The following PCDH9 variants were observed in gnomAD, a reference collection of about 807,000 sequenced individuals.
PCDH9 encodes protocadherin-9.
A neutral mutation model predicts 70.6 loss-of-function variants in PCDH9; 24 were observed. The ratio of observed to expected loss-of-function variants is 0.34; its 90% CI spans 0.25 to 0.48. PCDH9 has a LOEUF of 0.48. Among genes scored for constraint, PCDH9 ranks in the 20% least tolerant of loss-of-function variants. The pLI, the probability that PCDH9 is intolerant of heterozygous loss-of-function variation, is 0.99. For missense variants in PCDH9, 1,281 were observed against 1,503.6 expected (o/e 0.85, Z 2.45); for synonymous variants, 562 against 558.5 (o/e 1.01, Z -0.09).
chr13:67,126,195 G>A (rs1005783809), intron 2 of PCDH9, among the ~76,000 whole-genome samples: 2 of 152,090 alleles, frequency 1.3e-5, no homozygotes, highest in African/African-American at 2.4e-5. Context: ...CTATGCTGAA[G>A]CTATTTCATT....
rs554295163 is a variant in PCDH9, at chr13:67,071,397, A to G, written c.3036+154008T>C. ...GCAAAATTTAAAAATTTGTAAACTG[A>G]TAATTTCTACCTTTGCCAAAACCTT... On this transcript the variant is annotated intron_variant, in intron 2 of 4. Transcript: ENST00000377865. Among the ~76,000 whole-genome samples the G allele has an allele frequency of 5.9e-5, 9 of 152,326 alleles. No individual in the cohort carries two copies. In the South Asian group the frequency reaches 1.9e-3, roughly 32 times the overall value.
intron 3 of PCDH9, among the ~76,000 whole-genome samples, chr13:66,805,896 C>CT (rs1406772155): frequency 6.6e-6 from 1 of 152,016 alleles, no homozygotes; most frequent in Non-Finnish European, 1.5e-5. Context: ...TGTTTTATGA[C>CT]TTTTTTTCCC....
chr13:66,965,506 C>T (rs2083415954), intron 2 of PCDH9, among the ~76,000 whole-genome samples: 1 of 152,154 alleles, frequency 6.6e-6, no homozygotes, highest in Admixed American at 6.6e-5. Flanking sequence ...CAAGCTATTG[C>T]AGCCTCCTTT....
intron 3 of PCDH9, among the ~76,000 whole-genome samples, chr13:66,732,774 T>A (rs2079094884): frequency 6.6e-6 from 1 of 151,978 alleles, no homozygotes. Context: ...GAAAAATACA[T>A]GAAAAATTAG....
At chr13:67,150,969 T>G (rs2087644104) in intron 2 of PCDH9, among the ~76,000 whole-genome samples, 1 of 152,214 alleles carries the variant, frequency 6.6e-6, no homozygotes, top group Admixed American at 6.6e-5. Context: ...CACCATCCAC[T>G]GCCTAAGTAA....
At chr13:66,683,578 C>G (rs1400468481) in intron 3 of PCDH9, among the ~76,000 whole-genome samples, 2 of 152,178 alleles carry the variant, frequency 1.3e-5, no homozygotes, top group African/African-American at 4.8e-5. Flanking sequence ...AAGTGCTTCA[C>G]TACATTTATA....
Position 66,777,111 on chromosome 13 carries a change from C to T in PCDH9, c.3138+126393G>A, listed in dbSNP as rs980853150. On this transcript the variant is annotated intron_variant, in intron 3 of 4. Transcript: ENST00000377865. The stretch of plus-strand genomic sequence containing the variant: ...GCTGAAACTGGATCCCTTCCTTACA[C>T]CTTATACAAAAATTAATTCAAGATG... Among the ~76,000 whole-genome samples, 734 of 150,892 alleles carry T rather than the reference C, an allele frequency of 4.9e-3. 8 individuals are homozygous for T. Among genetic ancestry groups the T allele is most frequent in the African/African-American group, 0.017 (700 of 41,348 alleles).
chr13:66,840,724 G>A lies in PCDH9; in HGVS notation c.3138+62780C>T, dbSNP rs1481330237. ...GCAGTTTTTCCATATGCTACATTGA[G>A]TATTTCTGTTGTACATCTGTTGCAT... On this transcript the variant is annotated intron_variant, in intron 3 of 4. Coordinates refer to ENST00000377865, the MANE Select transcript of PCDH9 (RefSeq NM_203487.3). 3.3e-5 allele frequency among the ~76,000 whole-genome samples: 5 copies of A among 152,298 alleles called. No individual in the cohort carries two copies. The East Asian group carries it at 9.7e-4, about 29-fold the overall frequency.
chr13:66,436,206 G>T (rs1463983936), intron 4 of PCDH9, among the ~76,000 whole-genome samples: 1 of 152,094 alleles, frequency 6.6e-6, no homozygotes, highest in African/African-American at 2.4e-5. Context: ...ACATCTGGGA[G>T]GTGATAAAGT....
At chr13:66,679,415 G>T (rs73497774) in intron 3 of PCDH9, among the ~76,000 whole-genome samples, 1 of 151,754 alleles carries the variant, frequency 6.6e-6, no homozygotes. Flanking sequence ...TTGTAATAGT[G>T]CACACACCCA....
chr13:67,036,494 T>C (rs1289495852), intron 2 of PCDH9, among the ~76,000 whole-genome samples: 1 of 152,202 alleles, frequency 6.6e-6, no homozygotes, highest in African/African-American at 2.4e-5. Flanking sequence ...AATCATATCA[T>C]GCAACTGGAT....
intron 4 of PCDH9, among the ~76,000 whole-genome samples, chr13:66,525,324 T>G (rs573803214): frequency 6.6e-6 from 1 of 152,214 alleles, no homozygotes; most frequent in African/African-American, 2.4e-5. Flanking sequence ...TGAATTATTC[T>G]TTCTGCTTTC....
At chr13:66,960,856 T>C (rs1340213663) in intron 2 of PCDH9, among the ~76,000 whole-genome samples, 1 of 152,170 alleles carries the variant, frequency 6.6e-6, no homozygotes, top group Admixed American at 6.5e-5. Context: ...CAAAATCACA[T>C]ATATTTAAGC....
At chr13:66,981,224 G>A (rs2083758953) in intron 2 of PCDH9, among the ~76,000 whole-genome samples, 1 of 152,092 alleles carries the variant, frequency 6.6e-6, no homozygotes, top group Admixed American at 6.5e-5. Flanking sequence ...GGATCACGAG[G>A]TGCGGAGATC....
intron 4 of PCDH9, among the ~76,000 whole-genome samples, chr13:66,402,834 T>C (rs1957211392): frequency 6.6e-6 from 1 of 152,284 alleles, no homozygotes; most frequent in Non-Finnish European, 1.5e-5. Context: ...ATGACAGAGA[T>C]AATAAGCAAA....
intron 4 of PCDH9, among the ~76,000 whole-genome samples, chr13:66,399,863 C>T (rs967081480): frequency 3.3e-5 from 5 of 152,056 alleles, no homozygotes; most frequent in African/African-American, 1.2e-4. Flanking sequence ...CCACCAAATA[C>T]CTGTTTATAT....
At chr13:66,737,784 A>G (rs910919623) in intron 3 of PCDH9, among the ~76,000 whole-genome samples, 9 of 152,212 alleles carry the variant, frequency 5.9e-5, no homozygotes, top group African/African-American at 2.2e-4. Flanking sequence ...TGCGCTTTTC[A>G]GACCGGCTTA....
In PCDH9 at chr13:66,347,406, G is replaced by C. The variant is rs140546740; in HGVS notation, c.3341-42378C>G. On this transcript the variant is annotated intron_variant, in intron 4 of 4. Coordinates refer to ENST00000377865, the MANE Select transcript of PCDH9 (RefSeq NM_203487.3). ...ATATTTCAGGCCTTAGGCTATGGTG[G>C]AGACTGCAAATTAGGAACCAAAACA... 6.9e-3 allele frequency among the ~76,000 whole-genome samples: 1,056 copies of C among 152,134 alleles called. 10 individuals carry two copies. The highest frequency in any genetic ancestry group is 0.024 in the African/African-American group (1,001 of 41,516).
At chr13:67,150,682 G>C (rs1422363518) in intron 2 of PCDH9, among the ~76,000 whole-genome samples, 1 of 152,050 alleles carries the variant, frequency 6.6e-6, no homozygotes, top group African/African-American at 2.4e-5. Flanking sequence ...TAAATAACTA[G>C]AAAACCATTT....
Sources: gnomAD v4.1 joint callset for allele counts (sites outside exome capture counted in the v4.1 genomes callset) on GRCh38, gnomAD v4.1.1 for gene constraint, MANE v1.5 for transcripts, NCBI Gene and HGNC (gene_info 2026-07-23, HGNC 2026-07-21) for gene names.